Variants in ABCB5 observed in about 807,000 individuals in gnomAD.
ABCB5 encodes the protein ATP binding cassette subfamily B member 5.
In ABCB5, 155 loss-of-function variants were observed where a neutral mutation model predicts 144.2. That is an observed-to-expected ratio of 1.08 (90% confidence interval 0.94 to 1.23). The LOEUF (loss-of-function observed/expected upper bound fraction) is 1.23. Among genes scored for constraint, ABCB5 ranks in the 50% most tolerant of loss-of-function variants. The pLI, the probability that ABCB5 is intolerant of heterozygous loss-of-function variation, is 0.00. For synonymous variants in ABCB5, 610 were observed against 528.6 expected, an observed-to-expected ratio of 1.15 and a Z score of -2.11; for missense variants, 1,830 against 1,520.8, an observed-to-expected ratio of 1.20 and a Z score of -3.38.
intron 16 of ABCB5, among the ~76,000 whole-genome samples, chr7:20,691,625 G>C (rs1345527583): frequency 2.4e-5 from 2 of 81,862 alleles, no homozygotes; most frequent in African/African-American, 8.5e-5. Context: ...TATTATACTT[G>C]AAGTTTTAGG....
Position 20,647,653 on chromosome 7 carries a change from G to A in ABCB5, c.1095+5G>A. ...ATTTTCCAGGTTATTGATAAGGTAA[G>A]ACCTCTTATTGCTTTGAAGAATAAC... On this transcript the variant is annotated splice_donor_5th_base_variant and intron_variant, in intron 10 of 27. Transcript: ENST00000404938. 1 of 1,557,994 alleles carries A rather than the reference G, an allele frequency of 6.4e-7. No homozygotes were observed.
intron 13 of ABCB5, among the ~76,000 whole-genome samples, chr7:20,653,436 C>G (rs1456705866): frequency 6.6e-6 from 1 of 152,224 alleles, no homozygotes; most frequent in African/African-American, 2.4e-5. Flanking sequence ...CATTACTTCC[C>G]TTATAATATA....
At chr7:20,681,935 G>C (rs6974315) in intron 15 of ABCB5, among the ~76,000 whole-genome samples, 118,300 of 152,022 alleles carry the variant, frequency 0.78, 46,989 homozygotes, top group East Asian at 0.98. Context: ...GACCAGAAAG[G>C]GTGGCTCACA....
intron 26 of ABCB5, among the ~76,000 whole-genome samples, chr7:20,747,235 T>G (rs1209483190): frequency 6.6e-6 from 1 of 152,242 alleles, no homozygotes; most frequent in Non-Finnish European, 1.5e-5. Flanking sequence ...TTATGTATTG[T>G]GAAATGCTGC....
intron 13 of ABCB5, among the ~76,000 whole-genome samples, chr7:20,657,664 C>T (rs1166160433): frequency 6.6e-6 from 1 of 152,122 alleles, no homozygotes; most frequent in East Asian, 1.9e-4. Context: ...ACTAGGGCTA[C>T]AGAAATGTTC....
chr7:20,618,075 G>A (rs1453271881), intron 1 of ABCB5, among the ~76,000 whole-genome samples: 1 of 152,138 alleles, frequency 6.6e-6, no homozygotes, highest in Non-Finnish European at 1.5e-5. Flanking sequence ...ATCATAGAAT[G>A]TACCCATTTA....
At chr7:20,634,673 C>A (rs1389910441) in intron 5 of ABCB5, among the ~76,000 whole-genome samples, 1 of 151,972 alleles carries the variant, frequency 6.6e-6, no homozygotes, top group East Asian at 1.9e-4. Context: ...TTTTCATATG[C>A]TTTTTGGACA....
chr7:20,716,816 A>C (rs1781687792), intron 20 of ABCB5, among the ~76,000 whole-genome samples: 1 of 152,188 alleles, frequency 6.6e-6, no homozygotes, highest in South Asian at 2.1e-4. Context: ...TCAGAAAAGC[A>C]AAGTGGGTGA....
intron 14 of ABCB5, among the ~76,000 whole-genome samples, chr7:20,673,126 G>A (rs553861464): frequency 5.5e-4 from 83 of 152,184 alleles, no homozygotes; most frequent in Non-Finnish European, 1.1e-3. Flanking sequence ...ATTACGGTCA[G>A]GGAGTATTCA....
intron 20 of ABCB5, 54 bp downstream of exon 20, chr7:20,704,861 C>A: frequency 4.4e-6 from 6 of 1,368,060 alleles, no homozygotes; most frequent in South Asian, 1.2e-5. Context: ...TGCACACATG[C>A]AATGCACACA....
chr7:20,619,524 G>C (rs1193146187), intron 1 of ABCB5, among the ~76,000 whole-genome samples: 1 of 150,240 alleles, frequency 6.7e-6, no homozygotes, highest in African/African-American at 2.5e-5. Flanking sequence ...ATTTTTAATG[G>C]GGTTATTTGT....
rs186124045 is a variant in ABCB5, at chr7:20,617,430, G to C, written c.-22+1593G>C. ...ATACTTTAAAACTGTGCTATTAACA[G>C]CAGATAAAAACAATATGTTGTCAGC... On this transcript the variant is annotated intron_variant, in intron 1 of 27. Coordinates refer to ENST00000404938, the MANE Select transcript of ABCB5 (RefSeq NM_001163941.2). Among the ~76,000 whole-genome samples, 12 of 152,302 alleles carry C rather than the reference G, an allele frequency of 7.9e-5. No homozygotes were observed. In the East Asian group the frequency reaches 2.3e-3, roughly 29 times the overall value.
chr7:20,750,303 G>A (rs1175136342), intron 26 of ABCB5, among the ~76,000 whole-genome samples: 1 of 144,824 alleles, frequency 6.9e-6, no homozygotes, highest in Non-Finnish European at 1.5e-5. Context: ...TCTGGAAAGT[G>A]AGCAAGGAAA....
In ABCB5 at chr7:20,650,058, G is replaced by C; in HGVS notation, c.1243G>C (p.Glu415Gln). 1 of 1,613,488 alleles carries C rather than the reference G, an allele frequency of 6.2e-7. No homozygotes were observed. Among genetic ancestry groups the C allele is most frequent in the Non-Finnish European group, 8.5e-7 (1 of 1,179,632 alleles). ...TCTGAATCTCAGAATTAAGTCTGGA[G>C]AGACAGTCGCCTTGGTCGGTCTCAA... The part of the protein sequence containing the change: ...KGLNLRIKSG[E>Q]TVALVGLNGS... Residue 415 changes from glutamate to glutamine, a missense_variant, in exon 12 of 28, where the codon GAG becomes CAG. Transcript: ENST00000404938.
At chr7:20,655,678 C>T (rs1784763803) in intron 13 of ABCB5, among the ~76,000 whole-genome samples, 1 of 152,098 alleles carries the variant, frequency 6.6e-6, no homozygotes, top group African/African-American at 2.4e-5. Flanking sequence ...ATAGAAAGTA[C>T]CTTATTCATT....
intron 2 of ABCB5, 29 bp from the exon 3 acceptor site, chr7:20,626,528 C>A: frequency 6.3e-7 from 1 of 1,588,310 alleles, no homozygotes; most frequent in East Asian, 2.3e-5. Context: ...CACATTGTAA[C>A]TGCTGCATTT....
chr7:20,695,412 T>A (rs1786374592), intron 16 of ABCB5, among the ~76,000 whole-genome samples: 1 of 151,652 alleles, frequency 6.6e-6, no homozygotes, highest in Non-Finnish European at 1.5e-5. Flanking sequence ...AGATGAAAAT[T>A]AACTCAAAAT....
At chr7:20,661,323 T>C (rs1220902477) in intron 14 of ABCB5, among the ~76,000 whole-genome samples, 1 of 152,186 alleles carries the variant, frequency 6.6e-6, no homozygotes, top group Non-Finnish European at 1.5e-5. Flanking sequence ...ACAACGTATA[T>C]GTTTGTTTAT....
chr7:20,708,580 TGCTGAGTG>T lies in ABCB5; in HGVS notation c.2421+3775_2421+3782del, dbSNP rs1421601435. Among the ~76,000 whole-genome samples, 10 of 152,174 alleles carry T rather than the reference TGCTGAGTG, an allele frequency of 6.6e-5. 1 individual carries two copies. Among genetic ancestry groups the T allele is most frequent in the African/African-American group, 2.4e-4 (10 of 41,440 alleles). The stretch of plus-strand genomic sequence containing the variant: ...CTTTACCACTGCTAAGCCATCAAAC[TGCTGAGTG>T]GTAAGGTAAGTCAAAAATTTCCCTT... On this transcript the variant is annotated intron_variant, in intron 20 of 27. Coordinates refer to ENST00000404938, the MANE Select transcript of ABCB5 (RefSeq NM_001163941.2).
Sources: gnomAD v4.1 joint callset for allele counts (sites outside exome capture counted in the v4.1 genomes callset) on GRCh38, gnomAD v4.1.1 for gene constraint, MANE v1.5 for transcripts, NCBI Gene and HGNC (gene_info 2026-07-23, HGNC 2026-07-21) for gene names.